The following PHF21A variants were observed in gnomAD, a reference collection of about 807,000 sequenced individuals.
PHF21A encodes BHC80a.
Under a neutral mutation model 82.5 loss-of-function variants are expected in PHF21A, and 11 were observed. The observed-to-expected ratio is 0.13, with a 90% CI of 0.08 to 0.22. The LOEUF (loss-of-function observed/expected upper bound fraction) is 0.22. Ranked by LOEUF, PHF21A falls within the 10% of genes least tolerant of loss-of-function variation. The pLI is 1.00. For missense variants in PHF21A, 579 were observed against 837.8 expected (o/e 0.69, Z 3.81); for synonymous variants, 297 against 302.8 (o/e 0.98, Z 0.20).
intron 15 of PHF21A, among the ~76,000 whole-genome samples, chr11:45,943,868 T>C (rs1386861881): frequency 6.6e-6 from 1 of 152,186 alleles, no homozygotes; most frequent in Admixed American, 6.5e-5. Context: ...TCGTCACTTA[T>C]TAGTGCTCCT....
chr11:45,943,182 G>A (rs2135309967), intron 15 of PHF21A, among the ~76,000 whole-genome samples: 1 of 143,244 alleles, frequency 7.0e-6, no homozygotes, highest in South Asian at 2.2e-4. Flanking sequence ...GAGTGCAGTG[G>A]CGCAATCATG....
intron 6 of PHF21A, among the ~76,000 whole-genome samples, chr11:46,038,702 T>C (rs1047072445): frequency 1.3e-5 from 2 of 152,158 alleles, no homozygotes; most frequent in African/African-American, 4.8e-5. Context: ...GCACAGGGTA[T>C]CACATGGCGA....
intron 15 of PHF21A, among the ~76,000 whole-genome samples, chr11:45,938,733 T>C (rs939378357): frequency 9.2e-5 from 14 of 152,224 alleles, no homozygotes; most frequent in Admixed American, 9.2e-4. Flanking sequence ...GTCTATCTTC[T>C]TTTTTCTTTC....
At chr11:46,069,531 A>T (rs2096632257) in intron 6 of PHF21A, among the ~76,000 whole-genome samples, 2 of 152,262 alleles carry the variant, frequency 1.3e-5, no homozygotes, top group African/African-American at 4.8e-5. Flanking sequence ...ATATCAGGTA[A>T]CCAACACAAG....
At chr11:46,073,327 CA>C (rs748320509) in intron 6 of PHF21A, among the ~76,000 whole-genome samples, 2,068 of 84,078 alleles carry the variant, frequency 0.025, 41 homozygotes, top group African/African-American at 0.072. Context: ...GACCCCGTCT[CA>C]AAAAAAAAAA....
intron 6 of PHF21A, among the ~76,000 whole-genome samples, chr11:45,997,407 A>G (rs913774592): frequency 5.3e-5 from 8 of 152,080 alleles, no homozygotes; most frequent in African/African-American, 1.7e-4. Context: ...TCATTTTACT[A>G]TTTTCTTGCT....
chr11:45,932,687 A>G lies in PHF21A; in HGVS notation c.*1281T>C, dbSNP rs1470920277. The stretch of plus-strand genomic sequence containing the variant: ...TTTAAGTAACACTAGGAAGACCTCA[A>G]TATCTTTTATTTTCCTTTTTAATTT... On this transcript the variant is annotated 3_prime_UTR_variant, in exon 19 of 19. Transcript: ENST00000676320. This position sits in a 1 kb window ranked among gnomAD's most constrained non-coding sequence, Gnocchi z 4.3. 2.6e-5 allele frequency: 4 copies of G among 152,606 alleles called. No homozygotes were observed. The highest frequency in any genetic ancestry group is 2.9e-5 in the Non-Finnish European group (2 of 68,034). 9.5% of individuals were successfully genotyped at this position (152,606 alleles called of 1,614,324 possible). A position where few individuals can be genotyped will look rare whatever the true frequency, so the allele number is the denominator to read the frequency against.
chr11:45,963,110 T>A (rs947301614), intron 10 of PHF21A, among the ~76,000 whole-genome samples: 10 of 151,988 alleles, frequency 6.6e-5, no homozygotes, highest in Non-Finnish European at 1.0e-4. Context: ...TTTAAAAATG[T>A]TTTACACGTA....
chr11:46,051,310 G>C (rs1318543888), intron 6 of PHF21A, among the ~76,000 whole-genome samples: 1 of 152,068 alleles, frequency 6.6e-6, no homozygotes, highest in African/African-American at 2.4e-5. Context: ...AAATGGATTA[G>C]GTCAGCAGGT....
At chr11:46,034,207 A>G (rs1015909298) in intron 6 of PHF21A, among the ~76,000 whole-genome samples, 10 of 151,202 alleles carry the variant, frequency 6.6e-5, no homozygotes, top group African/African-American at 2.2e-4. Context: ...AGTTGCCTTA[A>G]TATTAGTGCC....
chr11:46,049,453 G>A (rs1217478413), intron 6 of PHF21A: 1 of 456,258 alleles, frequency 2.2e-6, no homozygotes, highest in Admixed American at 2.3e-5. Flanking sequence ...CTGTACAGTG[G>A]CATCTGCAAG....
At chr11:45,950,340 G>A in intron 11 of PHF21A, 83 bp from the exon 12 acceptor site, 2 of 1,195,200 alleles carry the variant, frequency 1.7e-6, no homozygotes, top group Non-Finnish European at 2.4e-6. Flanking sequence ...GGACATTAGG[G>A]AAAGCCAGCC....
intron 6 of PHF21A, among the ~76,000 whole-genome samples, chr11:46,038,456 G>T (rs1016376243): frequency 3.3e-5 from 5 of 152,102 alleles, no homozygotes. Flanking sequence ...ACTATTTATT[G>T]AGCACCTCCA....
At position 45,934,075 on chromosome 11, in the gene PHF21A, C is replaced by T. The variant is rs1174863664; in HGVS notation, c.1939G>A (p.Gly647Ser). 2.5e-6 allele frequency: 4 copies of T among 1,614,080 alleles called. No individual in the cohort carries two copies. The highest frequency in any genetic ancestry group is 2.2e-5 in the East Asian group (1 of 44,874). ...SEATVGAISN[G>S]PDCTPPANAA... ...TTGGCAGGGGGGGTGCAGTCCGGGC[C>T]ATTGGAGATGGCCCCCACAGTGGCC... The change falls in exon 19 of 19, where the codon GGC becomes AGC. Residue 647 changes from glycine (G) to serine (S), a missense_variant. Physicochemically the swap from Gly to Ser is moderately conservative, Grantham distance 56. Coordinates refer to ENST00000676320, the MANE Select transcript of PHF21A (RefSeq NM_001352027.3).
chr11:46,063,845 T>C (rs931480508), intron 6 of PHF21A, among the ~76,000 whole-genome samples: 4 of 150,226 alleles, frequency 2.7e-5, no homozygotes, highest in African/African-American at 7.3e-5. Context: ...ACCCACATCA[T>C]AGGATAAGCA....
intron 16 of PHF21A, chr11:45,936,873 C>T (rs756530288): frequency 8.6e-5 from 22 of 256,798 alleles, no homozygotes; most frequent in Non-Finnish European, 1.5e-4. Flanking sequence ...CTCCCGACAG[C>T]TAGAACCACC....
chr11:45,953,459 C>T, intron 11 of PHF21A, 68 bp downstream of exon 11: 1 of 893,100 alleles, frequency 1.1e-6, no homozygotes, highest in Non-Finnish European at 1.9e-6. Flanking sequence ...GAGCAGGTGC[C>T]CCTCCTGGTA....
chr11:45,935,791 T>C, intron 17 of PHF21A, 52 bp from the exon 18 acceptor site: 1 of 858,204 alleles, frequency 1.2e-6, no homozygotes, highest in Non-Finnish European at 1.9e-6. Flanking sequence ...ATTAATTCTT[T>C]GAAATGTCCT....
chr11:46,099,572 C>CACACCCT (rs1288085831), intron 1 of PHF21A, among the ~76,000 whole-genome samples: 1 of 111,392 alleles, frequency 9.0e-6, no homozygotes, highest in Non-Finnish European at 2.1e-5. Flanking sequence ...ACCCTAAACA[C>CACACCCT]AAACACAAAC....
Sources: allele counts gnomAD v4.1 joint callset (sites outside exome capture counted in the v4.1 genomes callset), GRCh38; gene constraint gnomAD v4.1.1; non-coding constraint Gnocchi (gnomAD v3.1); transcripts MANE v1.5; gene names NCBI Gene and HGNC (gene_info 2026-07-23, HGNC 2026-07-21).